The following INAVA variants were observed in gnomAD, a reference collection of about 807,000 sequenced individuals.
The protein encoded by INAVA is innate immunity activator protein.
INAVA carries 32 observed loss-of-function variants against 55.3 expected under a neutral mutation model. The observed-to-expected ratio is 0.58, with a 90% CI of 0.44 to 0.78. The LOEUF (loss-of-function observed/expected upper bound fraction) is 0.78, where lower values mean the gene tolerates loss of function less well. Among genes scored for constraint, INAVA ranks in the 30% least tolerant of loss-of-function variants. The probability of loss-of-function intolerance (pLI) is 0.00; values close to 1 mark genes in which losing one functional copy is unlikely to be tolerated. For synonymous variants in INAVA, 294 were observed against 329.4 expected, an observed-to-expected ratio of 0.89 and a Z score of 1.16; for missense variants, 756 against 786.4, an observed-to-expected ratio of 0.96 and a Z score of 0.46.
chr1:200,912,276 A>C (rs762262225), intron 9 of INAVA, 139 bp downstream of exon 9: 1 of 861,570 alleles, frequency 1.2e-6, no homozygotes, highest in Non-Finnish European at 1.7e-6. Context: ...TCTAGGAAGA[A>C]CAGGCCAAAA....
intron 8 of INAVA, among the ~76,000 whole-genome samples, chr1:200,910,431 T>C (rs560174148): frequency 6.6e-6 from 1 of 152,328 alleles, no homozygotes; most frequent in South Asian, 2.1e-4. Context: ...TGGCTAAGCG[T>C]TGACAGGCAG....
upstream of INAVA, among the ~76,000 whole-genome samples, chr1:200,892,811 T>C (rs1406492175): frequency 6.6e-6 from 1 of 152,182 alleles, no homozygotes; most frequent in Non-Finnish European, 1.5e-5. Flanking sequence ...GTTAGCCAGC[T>C]CCCTTCCAAA....
chr1:200,900,833 G>A, intron 4 of INAVA, 104 bp from the exon 5 acceptor site: 4 of 825,790 alleles, frequency 4.8e-6, no homozygotes, highest in Non-Finnish European at 7.5e-6. Context: ...CTGTCCTCAG[G>A]GCTTAGGACT....
At chr1:200,907,643 G>C (rs1024970167) in intron 5 of INAVA, among the ~76,000 whole-genome samples, 191 bp from the exon 6 acceptor site, 1 of 150,644 alleles carries the variant, frequency 6.6e-6, no homozygotes, top group Admixed American at 6.6e-5. Flanking sequence ...TGGGCCACAG[G>C]GTAAGACCCT....
At chr1:200,898,521 C>T in intron 2 of INAVA, 66 bp downstream of exon 2, 1 of 1,562,404 alleles carries the variant, frequency 6.4e-7, no homozygotes, top group Non-Finnish European at 8.7e-7. Flanking sequence ...CTGGCCCTGA[C>T]TCCTGAGTCC....
In INAVA at chr1:200,911,516, C is replaced by T; in HGVS notation, c.1023C>T (p.Pro341=). 1 of 1,613,958 alleles carries T rather than the reference C, an allele frequency of 6.2e-7. No individual in the cohort carries two copies. Among genetic ancestry groups the T allele is most frequent in the Non-Finnish European group, 8.5e-7 (1 of 1,179,998 alleles). The part of the protein sequence containing the change: ...RGRSAFPRRR[P]THYTVTVPDS... ...GCAGCGCCTTTCCCCGCCGCCGCCC[C>T]ACTCACTACACGGTGACAGTGCCAG... Residue 341 remains proline (P), a synonymous_variant, in exon 9 of 10, where the codon CCC becomes CCT. Coordinates refer to ENST00000413687, the MANE Select transcript of INAVA (RefSeq NM_001142569.3).
intron 5 of INAVA, among the ~76,000 whole-genome samples, chr1:200,907,621 T>G (rs534311305): frequency 6.6e-6 from 1 of 151,646 alleles, no homozygotes; most frequent in East Asian, 1.9e-4. Context: ...ATCACACCAC[T>G]GCACTCCAGC....
At chr1:200,905,536 G>A (rs1284295582) in intron 5 of INAVA, among the ~76,000 whole-genome samples, 5 of 152,182 alleles carry the variant, frequency 3.3e-5, no homozygotes, top group East Asian at 1.9e-4. Context: ...AGGCAACATT[G>A]TAACAACCCA....
At chr1:200,909,469 G>C in intron 8 of INAVA, 72 bp downstream of exon 8, 1 of 1,338,766 alleles carries the variant, frequency 7.5e-7, no homozygotes, top group Non-Finnish European at 9.8e-7. Context: ...GAGCTCCCAG[G>C]ACACAGGTGG....
chr1:200,901,027 A>G lies in INAVA; in HGVS notation c.388A>G (p.Arg130Gly), dbSNP rs1468966290. ...GCTGTGCCTGGAGGAGAACCTCAGCAGGCAGGCTCGGCGGCAGCGGAAGCA... is the reference window on the plus strand; with the variant it reads ...GCTGTGCCTGGAGGAGAACCTCAGCGGGCAGGCTCGGCGGCAGCGGAAGCA... The part of the protein sequence containing the change: ...RRLCLEENLS[R>G]QARRQRKHSM... The change falls in exon 5 of 10, where the codon AGG (arginine) becomes GGG (glycine). Residue 130 changes from arginine (R) to glycine (G), a missense_variant. By Grantham distance (125) the Arg-to-Gly change is moderately radical (BLOSUM62 -2). This residue lies in a region of INAVA where 639 missense variants were observed against 624.3 expected (regional missense o/e 1.02). Coordinates refer to ENST00000413687, the MANE Select transcript of INAVA (RefSeq NM_001142569.3). 6.5e-7 allele frequency: 1 copy of G among 1,549,866 alleles called. No homozygotes were observed. The highest frequency in any genetic ancestry group is 2.0e-5 in the Admixed American group (1 of 51,040).
At chr1:200,902,062 C>T (rs1011107088) in intron 5 of INAVA, among the ~76,000 whole-genome samples, 3 of 152,178 alleles carry the variant, frequency 2.0e-5, no homozygotes, top group Non-Finnish European at 4.4e-5. Context: ...TCACATGGGA[C>T]CCAGACCTCC....
chr1:200,893,109 G>A (rs1235803507), upstream of INAVA, among the ~76,000 whole-genome samples: 2 of 152,136 alleles, frequency 1.3e-5, no homozygotes, highest in Non-Finnish European at 2.9e-5. Context: ...TAGTTATGAA[G>A]ACAACAAATC....
Position 200,900,097 on chromosome 1 carries a change from T to TC in INAVA, c.181-3dup. The stretch of plus-strand genomic sequence containing the variant: ...GAGGACCTGGCTGGTCTCTGCTTCC[T>TC]CCCCAGGAGCTGACGGGCACCTTGC... On this transcript the variant is annotated splice_region_variant and splice_polypyrimidine_tract_variant and intron_variant, in intron 3 of 9. Transcript: ENST00000413687. The TC allele has an allele frequency of 6.2e-7, 1 of 1,607,714 alleles. No individual in the cohort carries two copies. Among genetic ancestry groups the TC allele is most frequent in the Non-Finnish European group, 8.5e-7 (1 of 1,176,710 alleles).
At chr1:200,896,064 G>A (rs919277865) in intron 1 of INAVA, among the ~76,000 whole-genome samples, 7 of 152,240 alleles carry the variant, frequency 4.6e-5, no homozygotes, top group South Asian at 4.1e-4. Context: ...GGAAGCTGGC[G>A]GAGACGGGAG....
At chr1:200,899,629 G>C (rs749910749) in intron 3 of INAVA, 32 bp downstream of exon 3, 5 of 1,608,258 alleles carry the variant, frequency 3.1e-6, no homozygotes, top group African/African-American at 1.3e-5. Flanking sequence ...ACAAGCATCG[G>C]GTTCATCTCA....
intron 5 of INAVA, among the ~76,000 whole-genome samples, chr1:200,904,034 C>T (rs1158513172): frequency 6.6e-6 from 1 of 151,920 alleles, no homozygotes; most frequent in Non-Finnish European, 1.5e-5. Context: ...ATGTAATAGG[C>T]ACTCTGGATG....
upstream of INAVA, chr1:200,891,815 T>G (rs1394550199): frequency 9.1e-6 from 6 of 659,508 alleles, no homozygotes; most frequent in Non-Finnish European, 1.2e-5. Flanking sequence ...AATGGGGTAA[T>G]TTTTTCAAAG....
intron 2 of INAVA, 130 bp downstream of exon 2, chr1:200,898,585 A>T (rs938422350): frequency 9.7e-7 from 1 of 1,028,458 alleles, no homozygotes. Flanking sequence ...GGCTGAGAGG[A>T]AGGGGAGGGA....
chr1:200,904,647 C>T (rs79307030), intron 5 of INAVA, among the ~76,000 whole-genome samples: 6,198 of 151,936 alleles, frequency 0.041, 375 homozygotes, highest in African/African-American at 0.13. Flanking sequence ...GATGCTGCTG[C>T]GGGGCAGGGG....
Sources: allele counts gnomAD v4.1 joint callset (sites outside exome capture counted in the v4.1 genomes callset), GRCh38; gene constraint gnomAD v4.1.1; regional missense constraint gnomAD v4.1.1; transcripts MANE v1.5; gene names NCBI Gene and HGNC (gene_info 2026-07-23, HGNC 2026-07-21).